The following COL9A1 variants were observed in gnomAD, a reference collection of about 807,000 sequenced individuals.
COL9A1 encodes collagen type IX alpha 1 chain.
Under a neutral mutation model 142.6 loss-of-function variants are expected in COL9A1, and 104 were observed. The ratio of observed to expected loss-of-function variants is 0.73; its 90% CI spans 0.62 to 0.86. COL9A1 has a LOEUF of 0.86. Among genes scored for constraint, COL9A1 ranks in the 40% least tolerant of loss-of-function variants. The pLI is 0.00. For synonymous variants in COL9A1, 466 were observed against 396.0 expected (o/e 1.18, Z -2.10); for missense variants, 1,210 against 1,176.6 (o/e 1.03, Z -0.42).
intron 24 of COL9A1, 59 bp from the exon 25 acceptor site, chr6:70,254,588 A>C: frequency 1.3e-6 from 2 of 1,520,304 alleles, no homozygotes; most frequent in Non-Finnish European, 1.8e-6. Flanking sequence ...ATTTCTTTTA[A>C]GAAACGGAGG....
intron 20 of COL9A1, among the ~76,000 whole-genome samples, chr6:70,260,332 C>T (rs533267628): frequency 3.9e-5 from 6 of 151,954 alleles, no homozygotes; most frequent in East Asian, 3.9e-4. Context: ...ACCTGAGGTC[C>T]GGAGTTCAGG....
At position 70,256,598 on chromosome 6, in the gene COL9A1, G is replaced by A. The variant is rs527572717; in HGVS notation, c.1503+170C>T. 5.3e-5 allele frequency among the ~76,000 whole-genome samples: 8 copies of A among 151,926 alleles called. No homozygotes were observed. The East Asian group carries it at 1.5e-3, about 29-fold the overall frequency. On this transcript the variant is annotated intron_variant, in intron 21 of 37. Transcript: ENST00000357250. ...TGTCAAGTCAGAAGAACATTTCTAT[G>A]TACCCGAGAAAGATACCTGTCTTAA...
chr6:70,284,365 C>T (rs374617360), intron 5 of COL9A1, among the ~76,000 whole-genome samples: 1 of 151,988 alleles, frequency 6.6e-6, no homozygotes, highest in Admixed American at 6.5e-5. Context: ...AGATATTCTC[C>T]GTGGAGTGGT....
At chr6:70,267,621 C>T (rs1045581980) in intron 17 of COL9A1, among the ~76,000 whole-genome samples, 18 of 152,196 alleles carry the variant, frequency 1.2e-4, no homozygotes, top group Admixed American at 1.2e-3. Flanking sequence ...CGCGCCCGGC[C>T]TACTGTGTAC....
Position 70,216,679 on chromosome 6 carries a change from C to A in COL9A1, c.*218G>T. The A allele has an allele frequency of 1.8e-6, 1 of 564,002 alleles. No homozygotes were observed. The allele number at this position is 564,002 out of a possible 1,614,324, so 34.9% of individuals were successfully genotyped here. A position where few individuals can be genotyped will look rare whatever the true frequency, so the allele number is the denominator to read the frequency against. On this transcript the variant is annotated 3_prime_UTR_variant, in exon 38 of 38. Coordinates refer to ENST00000357250, the MANE Select transcript of COL9A1 (RefSeq NM_001851.6). ...CTTTTTTTTTTTTTAACTGATGACT[C>A]TGCTGTCTTCCCTCCAAGGGAAAGG...
intron 5 of COL9A1, among the ~76,000 whole-genome samples, chr6:70,288,509 G>C (rs919610352): frequency 6.6e-6 from 1 of 152,084 alleles, no homozygotes; most frequent in Non-Finnish European, 1.5e-5. Flanking sequence ...AAACCACCTG[G>C]TAGCCACCCA....
At chr6:70,280,566 G>A (rs1464628104) in intron 10 of COL9A1, 4 of 1,390,254 alleles carry the variant, frequency 2.9e-6, no homozygotes, top group East Asian at 2.6e-5. Context: ...GCCAGTACCC[G>A]CTGCTGTTTT....
chr6:70,262,206 T>A (rs1388671957), intron 19 of COL9A1, among the ~76,000 whole-genome samples: 47 of 151,920 alleles, frequency 3.1e-4, no homozygotes, highest in Admixed American at 3.1e-3. Flanking sequence ...TGTATCCTTA[T>A]CTCCTACCTG....
chr6:70,220,637 T>C (rs942462178), intron 37 of COL9A1, among the ~76,000 whole-genome samples: 4 of 152,126 alleles, frequency 2.6e-5, no homozygotes, highest in African/African-American at 9.7e-5. Context: ...TTTGCTCTCA[T>C]GTATGTTCTA....
intron 33 of COL9A1, among the ~76,000 whole-genome samples, chr6:70,237,275 G>A (rs1034100940): frequency 4.6e-5 from 7 of 152,202 alleles, no homozygotes; most frequent in African/African-American, 1.7e-4. Flanking sequence ...ACTTCCTAAT[G>A]AAGAGATTAA....
chr6:70,253,801 T>C (rs1562304826), intron 25 of COL9A1, among the ~76,000 whole-genome samples: 1 of 152,042 alleles, frequency 6.6e-6, no homozygotes, highest in South Asian at 2.1e-4. Context: ...ATGTACAGAG[T>C]AATAAAATGA....
Position 70,232,733 on chromosome 6 carries a change from C to A in COL9A1, c.2353G>T (p.Asp785Tyr), listed in dbSNP as rs1769632348. 1 of 1,613,826 alleles carries A rather than the reference C, an allele frequency of 6.2e-7. No homozygotes were observed. The highest frequency in any genetic ancestry group is 8.5e-7 in the Non-Finnish European group (1 of 1,179,948). The stretch of plus-strand genomic sequence containing the variant: ...CCAGGAAGCCCAGTGGCACCTGAGT[C>A]TGGACGCTTAAGACTGGCAGCCATC... ...AEMAASLKRPDSGATGLPGRP... is the reference protein window; with the variant it reads ...AEMAASLKRPYSGATGLPGRP... The change falls in exon 36 of 38, where the codon GAC becomes TAC. Residue 785 changes from aspartate (D) to tyrosine (Y), a missense_variant. By Grantham distance (160) the Asp-to-Tyr change is radical. Coordinates refer to ENST00000357250, the MANE Select transcript of COL9A1 (RefSeq NM_001851.6).
chr6:70,252,050 G>A, intron 28 of COL9A1, 70 bp downstream of exon 28: 1 of 1,469,396 alleles, frequency 6.8e-7, no homozygotes, highest in Middle Eastern at 2.1e-4. Context: ...ATAGATGGAT[G>A]AATGAATGGA....
chr6:70,272,228 G>T, intron 12 of COL9A1, 140 bp from the exon 13 acceptor site: 11 of 595,954 alleles, frequency 1.8e-5, no homozygotes, highest in Admixed American at 3.1e-5. Context: ...ACTGAATAAA[G>T]AAAAGCAAAC....
intron 5 of COL9A1, among the ~76,000 whole-genome samples, chr6:70,289,973 C>T (rs1773596312): frequency 6.6e-6 from 1 of 152,142 alleles, no homozygotes; most frequent in African/African-American, 2.4e-5. Context: ...CCAGCTCTCA[C>T]ATTTTCTCTG....
Position 70,270,544 on chromosome 6 carries a change from A to G in COL9A1, c.1144-177T>C, listed in dbSNP as rs2296930. 0.22 allele frequency among the ~76,000 whole-genome samples: 33,572 copies of G among 152,068 alleles called. 3,782 individuals carry two copies. Among genetic ancestry groups the G allele is most frequent in the Middle Eastern group, 0.3 (89 of 294 alleles). ...AATCCAATTAGTTCTACAAAATGAGAGTAATAAAGGCATTCCAGTCTCACC... is the reference window on the plus strand; with the variant it reads ...AATCCAATTAGTTCTACAAAATGAGGGTAATAAAGGCATTCCAGTCTCACC... On this transcript the variant is annotated intron_variant, in intron 14 of 37. Transcript: ENST00000357250.
chr6:70,298,296 C>T (rs1773923355), intron 4 of COL9A1, among the ~76,000 whole-genome samples: 2 of 152,326 alleles, frequency 1.3e-5, no homozygotes, highest in Admixed American at 1.3e-4. Context: ...ATAGCAACCT[C>T]ATGACAGAGT....
At chr6:70,252,227 G>A (rs772119788) in intron 27 of COL9A1, 35 bp downstream of exon 27, 1 of 1,614,114 alleles carries the variant, frequency 6.2e-7, no homozygotes, top group South Asian at 1.1e-5. Flanking sequence ...ATTACAACAG[G>A]TTAGAACTTC....
At chr6:70,241,750 T>C (rs1278997017) in intron 30 of COL9A1, among the ~76,000 whole-genome samples, 4 of 152,232 alleles carry the variant, frequency 2.6e-5, no homozygotes, top group Non-Finnish European at 5.9e-5. Flanking sequence ...CGGACATTTT[T>C]ACTTTTCTCA....
Sources: allele counts gnomAD v4.1 joint callset (sites outside exome capture counted in the v4.1 genomes callset), GRCh38; gene constraint gnomAD v4.1.1; transcripts MANE v1.5; gene names NCBI Gene and HGNC (gene_info 2026-07-23, HGNC 2026-07-21).